The following NBPF4 variants were observed in gnomAD, a reference collection of about 807,000 sequenced individuals.
The protein encoded by NBPF4 is NBPF member 4.
In NBPF4, 11 loss-of-function variants were observed where a neutral mutation model predicts 21.1. The ratio of observed to expected loss-of-function variants is 0.52; its 90% CI spans 0.33 to 0.86. The LOEUF (loss-of-function observed/expected upper bound fraction) is 0.86, where lower values mean the gene tolerates loss of function less well. Ranked by LOEUF, NBPF4 falls within the 40% of genes least tolerant of loss-of-function variation. The probability of loss-of-function intolerance (pLI) is 0.03; values close to 1 mark genes in which losing one functional copy is unlikely to be tolerated. For missense variants in NBPF4, 88 were observed against 265.3 expected, an observed-to-expected ratio of 0.33 and a Z score of 4.64; for synonymous variants, 47 against 106.4, an observed-to-expected ratio of 0.44 and a Z score of 3.43.
chr1:108,268,572 G>A, the NBPF4 span, among the ~76,000 whole-genome samples: 2 of 138,090 alleles, frequency 1.4e-5, no homozygotes, highest in Non-Finnish European at 3.1e-5. Flanking sequence ...GGTGGGAGGG[G>A]GGAACAGAAT....
chr1:108,256,595 T>G, the NBPF4 span, among the ~76,000 whole-genome samples: 1 of 86,862 alleles, frequency 1.2e-5, no homozygotes, highest in South Asian at 6.0e-4. Flanking sequence ...CCTCTCTCCC[T>G]CCCTCCCTCC....
the NBPF4 span, among the ~76,000 whole-genome samples, chr1:108,266,256 T>G: frequency 7.0e-6 from 1 of 142,044 alleles, no homozygotes; most frequent in Non-Finnish European, 1.5e-5. Context: ...GGGGGATTCA[T>G]GTACCTCAGC....
At chr1:108,258,667 C>T in the NBPF4 span, among the ~76,000 whole-genome samples, 1 of 123,312 alleles carries the variant, frequency 8.1e-6, no homozygotes, top group Non-Finnish European at 1.7e-5. Flanking sequence ...AGAGTGTGTA[C>T]CTTGTGGACC....
At chr1:108,247,860 CT>C (rs1325350044), upstream of NBPF4, among the ~76,000 whole-genome samples, 1 of 116,886 alleles carries the variant, frequency 8.6e-6, no homozygotes, top group Non-Finnish European at 1.7e-5. Flanking sequence ...GAGACAGGTT[CT>C]CGTTCTGTCA....
At position 108,223,761 on chromosome 1, in the gene NBPF4, G is replaced by C. The variant is rs1161873285; in HGVS notation, c.1876-15C>G. On this transcript the variant is annotated splice_polypyrimidine_tract_variant and intron_variant, in intron 14 of 14. Transcript: ENST00000415641. ...GTATTTGGTATCTGTAGGGGAGAGA[G>C]AGAAAAAAAATCAAATGAGCATTTT... The C allele has an allele frequency of 5.2e-6, 8 of 1,548,502 alleles. No individual in the cohort carries two copies. Among genetic ancestry groups the C allele is most frequent in the East Asian group, 2.4e-5 (1 of 40,922 alleles).
chr1:108,228,714 A>G (rs1235534338), intron 13 of NBPF4, among the ~76,000 whole-genome samples: 2 of 149,692 alleles, frequency 1.3e-5, no homozygotes, highest in African/African-American at 4.9e-5. Flanking sequence ...GGCCAAAGTC[A>G]ACAAGCAGAA....
chr1:108,267,112 TATTA>T, the NBPF4 span, among the ~76,000 whole-genome samples: 1 of 108,382 alleles, frequency 9.2e-6, no homozygotes, highest in African/African-American at 3.2e-5. Flanking sequence ...TTTAGATTCC[TATTA>T]ATTTTTTTGT....
At chr1:108,244,927 TATATATATATATATATATATACAC>T (rs1162760204), upstream of NBPF4, among the ~76,000 whole-genome samples, 5 of 49,960 alleles carry the variant, frequency 1.0e-4, no homozygotes, top group African/African-American at 3.9e-4. Context: ...TATATATATA[TATATATATATATATATATATACAC>T]ACACATATAG....
chr1:108,223,136 T>C lies in NBPF4; in HGVS notation c.*569A>G, dbSNP rs945187061. 6.6e-6 allele frequency among the ~76,000 whole-genome samples: 1 copy of C among 152,194 alleles called. No individual in the cohort carries two copies. The highest frequency in any genetic ancestry group is 2.4e-5 in the African/African-American group (1 of 41,474). On this transcript the variant is annotated 3_prime_UTR_variant, in exon 15 of 15. Coordinates refer to ENST00000415641, the MANE Select transcript of NBPF4 (RefSeq NM_001143989.3). Reference sequence around the variant, plus strand: ...TGACAACAACAAAAAGATGAGGAGATGTTTTGGGTTCAAAATGACTAAAAA... The same window carrying C: ...TGACAACAACAAAAAGATGAGGAGACGTTTTGGGTTCAAAATGACTAAAAA...
At position 108,223,697 on chromosome 1, in the gene NBPF4, A is replaced by C; in HGVS notation, c.*8T>G. 2 of 1,570,974 alleles carry C rather than the reference A, an allele frequency of 1.3e-6. No homozygotes were observed. Among genetic ancestry groups the C allele is most frequent in the Admixed American group, 1.9e-5 (1 of 53,670 alleles). On this transcript the variant is annotated 3_prime_UTR_variant, in exon 15 of 15. Transcript: ENST00000415641. ...TCAAGTGGAAAAGCTGCTTTTTGTG[A>C]CATTCTTTCATCCTGCCATCCTTTG...
chr1:108,257,591 T>C, the NBPF4 span, among the ~76,000 whole-genome samples: 2 of 143,700 alleles, frequency 1.4e-5, no homozygotes, highest in Non-Finnish European at 3.0e-5. Context: ...CATATAGATG[T>C]CATACCCATT....
chr1:108,268,574 G>A, the NBPF4 span, among the ~76,000 whole-genome samples: 17 of 151,216 alleles, frequency 1.1e-4, no homozygotes, highest in Middle Eastern at 3.4e-3. Flanking sequence ...TGGGAGGGGG[G>A]AACAGAATGT....
Position 108,228,981 on chromosome 1 carries a change from A to G in NBPF4, c.1599T>C (p.Leu533=), listed in dbSNP as rs1289429712. The G allele has an allele frequency of 1.9e-6, 3 of 1,539,682 alleles. No individual in the cohort carries two copies. The highest frequency in any genetic ancestry group is 1.2e-5 in the South Asian group (1 of 83,676). ...CTGAGAAGCTGCAGGTGGTGGAGGA[A>G]AGGCCCCGCTGGGCCAAGCCGTTCC... The part of the protein sequence containing the change: ...HCGNGLAQRG[L]SSTTCSFSAN... The change falls in exon 13 of 15, where the codon CTT becomes CTC. Residue 533 remains leucine, a synonymous_variant. Coordinates refer to ENST00000415641, the MANE Select transcript of NBPF4 (RefSeq NM_001143989.3).
Position 108,223,618 on chromosome 1 carries a change from C to A in NBPF4, c.*87G>T, listed in dbSNP as rs566427315. On this transcript the variant is annotated 3_prime_UTR_variant, in exon 15 of 15. Transcript: ENST00000415641. ...TGAAATTCAATCCTCAGTGAAGGACCCCTGCAGTATTGTGTTTGGACTTAA... is the reference window on the plus strand; with the variant it reads ...TGAAATTCAATCCTCAGTGAAGGACACCTGCAGTATTGTGTTTGGACTTAA... 8.7e-6 allele frequency: 10 copies of A among 1,144,986 alleles called. No homozygotes were observed. The highest frequency in any genetic ancestry group is 4.8e-5 in the East Asian group (2 of 42,006). 70.9% of individuals were successfully genotyped at this position (1,144,986 alleles called of 1,614,324 possible).
At chr1:108,229,488 A>G (rs1241682196) in intron 12 of NBPF4, among the ~76,000 whole-genome samples, 2 of 151,930 alleles carry the variant, frequency 1.3e-5, no homozygotes, top group Non-Finnish European at 2.9e-5. Context: ...GAGAGGCCTC[A>G]GAGCACAGGA....
At chr1:108,226,634 G>A (rs1459441946) in intron 14 of NBPF4, 45 bp downstream of exon 14, 3 of 1,297,880 alleles carry the variant, frequency 2.3e-6, no homozygotes, top group Non-Finnish European at 3.1e-6. Context: ...ACCATAGACG[G>A]AGAAATAAGA....
chr1:108,241,339 T>C (rs2095573), intron 3 of NBPF4, among the ~76,000 whole-genome samples, 175 bp from the exon 4 acceptor site: 51,206 of 104,896 alleles, frequency 0.49, 8,599 homozygotes, highest in East Asian at 0.62. Context: ...TATATATATA[T>C]ACACACACAC....
chr1:108,245,348 C>T (rs1649816667), upstream of NBPF4, among the ~76,000 whole-genome samples: 1 of 119,506 alleles, frequency 8.4e-6, no homozygotes, highest in African/African-American at 3.4e-5. Flanking sequence ...CCATCCTCCA[C>T]CTACACTGTG....
the NBPF4 span, among the ~76,000 whole-genome samples, chr1:108,264,990 C>A: frequency 6.8e-6 from 1 of 146,908 alleles, no homozygotes. Flanking sequence ...AACTAGAGAA[C>A]CAAGAGCAAA....
Sources: allele counts gnomAD v4.1 joint callset (sites outside exome capture counted in the v4.1 genomes callset), GRCh38; gene constraint gnomAD v4.1.1; transcripts MANE v1.5; gene names NCBI Gene and HGNC (gene_info 2026-07-23, HGNC 2026-07-21).